The following VTCN1 variants were observed in gnomAD, a reference collection of about 807,000 sequenced individuals.
VTCN1 encodes the protein V-set domain containing T cell activation inhibitor 1.
VTCN1 carries 26 observed loss-of-function variants against 26.5 expected under a neutral mutation model. The observed-to-expected ratio is 0.98, with a 90% CI of 0.72 to 1.36. The LOEUF is 1.36. Ranked by LOEUF, VTCN1 falls within the 40% of genes most tolerant of loss-of-function variation. The pLI is 0.00. For synonymous variants in VTCN1, 116 were observed against 130.7 expected, an observed-to-expected ratio of 0.89 and a Z score of 0.77; for missense variants, 298 against 337.7, an observed-to-expected ratio of 0.88 and a Z score of 0.92.
At chr1:117,189,103 C>T (rs564777904) in intron 1 of VTCN1, among the ~76,000 whole-genome samples, 6 of 152,254 alleles carry the variant, frequency 3.9e-5, no homozygotes, top group South Asian at 2.1e-4. Context: ...ACATGGATAA[C>T]GCATAGCAAA....
At chr1:117,152,857 A>G (rs530267200) in intron 4 of VTCN1, among the ~76,000 whole-genome samples, 1 of 152,316 alleles carries the variant, frequency 6.6e-6, no homozygotes, top group South Asian at 2.1e-4. Flanking sequence ...TCAATGAGAA[A>G]GCATACAAGA....
chr1:117,186,469 G>C (rs1342579227), intron 1 of VTCN1, among the ~76,000 whole-genome samples: 1 of 152,206 alleles, frequency 6.6e-6, no homozygotes, highest in African/African-American at 2.4e-5. Flanking sequence ...TGCCTCAGCA[G>C]TATTAGAGAA....
chr1:117,172,442 A>G, intron 1 of VTCN1: 1 of 518,850 alleles, frequency 1.9e-6, no homozygotes, highest in South Asian at 1.4e-5. Context: ...CTGGTCCAAG[A>G]GAGTGAGAAC....
chr1:117,190,072 TGCCTCAGGTAACAG>T, intron 1 of VTCN1, among the ~76,000 whole-genome samples: 1 of 152,308 alleles, frequency 6.6e-6, no homozygotes, highest in Non-Finnish European at 1.5e-5. Flanking sequence ...CACACACAAG[TGCCTCAGGTAACAG>T]GCCCATTGAT....
intron 1 of VTCN1, among the ~76,000 whole-genome samples, chr1:117,188,937 A>G (rs1648100945): frequency 6.6e-6 from 1 of 152,256 alleles, no homozygotes; most frequent in Admixed American, 6.5e-5. Context: ...AGTAAAAAAT[A>G]GTTTTCTAAC....
rs528348002 is a variant in VTCN1, at chr1:117,199,703, G to A, written c.32+11121C>T. 1.4e-4 allele frequency among the ~76,000 whole-genome samples: 21 copies of A among 146,568 alleles called. 1 individual carries two copies. The South Asian group carries it at 3.9e-3, about 27-fold the overall frequency. ...CAGGCTGAAGTACAGTGGTGCAGTC[G>A]TGGCTCACTGCAACCTCTGCCTTCT... On this transcript the variant is annotated intron_variant, in intron 1 of 5. Transcript: ENST00000369458.
chr1:117,204,375 T>G (rs867442013), intron 1 of VTCN1, among the ~76,000 whole-genome samples: 9 of 152,106 alleles, frequency 5.9e-5, no homozygotes, highest in African/African-American at 2.2e-4. Flanking sequence ...AGCTAGGAAG[T>G]GGAGAGCTGG....
At chr1:117,199,299 A>T (rs1342252642) in intron 1 of VTCN1, among the ~76,000 whole-genome samples, 1 of 152,172 alleles carries the variant, frequency 6.6e-6, no homozygotes, top group Non-Finnish European at 1.5e-5. Context: ...AATATATATT[A>T]GGTCAAATCC....
At chr1:117,178,259 C>CTTTT (rs1194911017) in intron 1 of VTCN1, among the ~76,000 whole-genome samples, 1 of 108,354 alleles carries the variant, frequency 9.2e-6, no homozygotes, top group African/African-American at 3.5e-5. Context: ...TCTTTTTTTT[C>CTTTT]TTTTTTTTTT....
chr1:117,198,120 C>T (rs534674409), intron 1 of VTCN1, among the ~76,000 whole-genome samples: 2 of 152,306 alleles, frequency 1.3e-5, no homozygotes, highest in East Asian at 1.9e-4. Flanking sequence ...ATTAAATTAA[C>T]GTGTGCTATC....
rs984588847 is a variant in VTCN1, at chr1:117,169,249, A to G, written c.97+858T>C. Among the ~76,000 whole-genome samples the G allele has an allele frequency of 6.6e-6, 1 of 152,220 alleles. No homozygotes were observed. The highest frequency in any genetic ancestry group is 2.4e-5 in the African/African-American group (1 of 41,468). ...GAGCAGTGGCCTATGCAGAAGAGGAAAGTGAAGAGACTCTTCTGCAACTGA... is the reference window on the plus strand; with the variant it reads ...GAGCAGTGGCCTATGCAGAAGAGGAGAGTGAAGAGACTCTTCTGCAACTGA... On this transcript the variant is annotated intron_variant, in intron 2 of 5. Coordinates refer to ENST00000369458, the MANE Select transcript of VTCN1 (RefSeq NM_024626.4). This position sits in a 1 kb window ranked among gnomAD's most constrained non-coding sequence, Gnocchi z 4.0.
Position 117,175,825 on chromosome 1 carries a change from C to T in VTCN1, c.33-5654G>A, listed in dbSNP as rs1647315603. 6.8e-6 allele frequency among the ~76,000 whole-genome samples: 1 copy of T among 147,658 alleles called. No individual in the cohort carries two copies. The highest frequency in any genetic ancestry group is 6.8e-5 in the Admixed American group (1 of 14,670). On this transcript the variant is annotated intron_variant, in intron 1 of 5. Coordinates refer to ENST00000369458, the MANE Select transcript of VTCN1 (RefSeq NM_024626.4). The surrounding 1 kb of genome is among the most constrained non-coding windows in gnomAD (Gnocchi z 4.2). ...TCACTCTGTTGCCCAGGCTGGAGTG[C>T]ACTGGCATGATCTCAGTTCACTGCA...
chr1:117,154,843 A>G (rs77446457), intron 3 of VTCN1, among the ~76,000 whole-genome samples: 8,380 of 151,876 alleles, frequency 0.055, 778 homozygotes, highest in African/African-American at 0.19. Context: ...GAAACCGCCA[A>G]TGGTATATTA....
At chr1:117,186,770 G>A (rs934488000) in intron 1 of VTCN1, among the ~76,000 whole-genome samples, 1 of 152,158 alleles carries the variant, frequency 6.6e-6, no homozygotes, top group African/African-American at 2.4e-5. Flanking sequence ...GCTCACATCT[G>A]GAATCCCAGC....
intron 1 of VTCN1, among the ~76,000 whole-genome samples, chr1:117,189,088 G>T (rs1648107155): frequency 6.6e-6 from 1 of 152,104 alleles, no homozygotes; most frequent in Admixed American, 6.5e-5. Context: ...AATATCAAAG[G>T]CATTACATGG....
At chr1:117,179,901 C>T (rs1647587588) in intron 1 of VTCN1, among the ~76,000 whole-genome samples, 1 of 152,110 alleles carries the variant, frequency 6.6e-6, no homozygotes, top group Non-Finnish European at 1.5e-5. Flanking sequence ...TTAAGTAATT[C>T]CCCTGAGGAC....
intron 4 of VTCN1, among the ~76,000 whole-genome samples, chr1:117,151,156 T>C (rs193219589): frequency 9.9e-5 from 15 of 152,140 alleles, no homozygotes; most frequent in Non-Finnish European, 1.5e-4. Context: ...GATCATATGA[T>C]AGTGTAAGTG....
rs369934457 is a variant in VTCN1 at position 117,200,566 on chromosome 1, C to T, written c.32+10258G>A. Among the ~76,000 whole-genome samples, 3 of 152,260 alleles carry T rather than the reference C, an allele frequency of 2.0e-5. 1 individual carries two copies. On this transcript the variant is annotated intron_variant, in intron 1 of 5. Transcript: ENST00000369458. ...ATTACCCTTTGAATATCTTCTTTGC[C>T]TCCTTACCCAGATGTAGCCCGCCTA...
chr1:117,182,999 T>C (rs573848731), intron 1 of VTCN1, among the ~76,000 whole-genome samples: 10 of 152,306 alleles, frequency 6.6e-5, no homozygotes, highest in African/African-American at 2.4e-4. Flanking sequence ...TTCTATACAT[T>C]CTGATACCAT....
Sources: allele counts gnomAD v4.1 joint callset (sites outside exome capture counted in the v4.1 genomes callset), GRCh38; gene constraint gnomAD v4.1.1; non-coding constraint Gnocchi (gnomAD v3.1); transcripts MANE v1.5; gene names NCBI Gene and HGNC (gene_info 2026-07-23, HGNC 2026-07-21).